ARPC4: variants seen among roughly 807,000 people sequenced by gnomAD.
The protein encoded by ARPC4 is actin-related protein 2/3 complex subunit 4.
In ARPC4, 3 loss-of-function variants were observed where a neutral mutation model predicts 22.8. The observed-to-expected ratio is 0.13, with a 90% CI of 0.06 to 0.34. The LOEUF (loss-of-function observed/expected upper bound fraction) is 0.34, where lower values mean the gene tolerates loss of function less well. ARPC4 is among the 10% of genes least tolerant of loss of function. The pLI, the probability that ARPC4 is intolerant of heterozygous loss-of-function variation, is 1.00. For missense variants in ARPC4, 98 were observed against 211.0 expected, an observed-to-expected ratio of 0.46 and a Z score of 3.32; for synonymous variants, 80 against 72.5, an observed-to-expected ratio of 1.10 and a Z score of -0.52.
rs75120628 is a variant in ARPC4, at chr3:9,805,108, G to C, written c.501+1095G>C. On this transcript the variant is annotated intron_variant, in intron 5 of 5. Coordinates refer to ENST00000397261, the MANE Select transcript of ARPC4 (RefSeq NM_005718.5). ...AATTTTATGGCCAGGATATTAGGAGGCCTCTAGATTGAACTGGAAGGGGAA... is the reference window on the plus strand; with the variant it reads ...AATTTTATGGCCAGGATATTAGGAGCCCTCTAGATTGAACTGGAAGGGGAA... 9.1e-4 allele frequency among the ~76,000 whole-genome samples: 138 copies of C among 152,284 alleles called. 1 individual carries two copies. The East Asian group carries it at 0.014, about 16-fold the overall frequency.
chr3:9,792,666 C>G (rs2078768064), upstream of ARPC4: 1 of 1,230,818 alleles, frequency 8.1e-7, no homozygotes, highest in Non-Finnish European at 1.0e-6. Flanking sequence ...GCCGAGATCT[C>G]CGCGCTGCAG....
At chr3:9,797,211 G>A (rs150597823) in intron 1 of ARPC4, among the ~76,000 whole-genome samples, 116 of 152,260 alleles carry the variant, frequency 7.6e-4, no homozygotes, top group African/African-American at 2.6e-3. Context: ...ATAGATTGAC[G>A]ACAATCATGC....
chr3:9,792,549 G>C, upstream of ARPC4: 1 of 1,227,526 alleles, frequency 8.1e-7, no homozygotes. Context: ...GTTTGCCGGG[G>C]GTGGGAAGAA....
intron 4 of ARPC4, 99 bp from the exon 5 acceptor site, chr3:9,803,744 G>T: frequency 1.6e-6 from 2 of 1,273,606 alleles, no homozygotes; most frequent in Admixed American, 1.8e-5. Context: ...CCAGTGGGAA[G>T]CATGTGGATG....
chr3:9,794,674 C>T (rs1001193476), intron 1 of ARPC4, among the ~76,000 whole-genome samples: 2 of 151,736 alleles, frequency 1.3e-5, no homozygotes, highest in African/African-American at 4.9e-5. Flanking sequence ...TAGCAAGATC[C>T]CGTGTCTTAA....
chr3:9,806,533 TTTTTA>T lies in ARPC4; in HGVS notation c.*319_*323del. The T allele has an allele frequency of 2.3e-6, 1 of 441,364 alleles. No homozygotes were observed. The highest frequency in any genetic ancestry group is 4.1e-6 in the Non-Finnish European group (1 of 244,854). 27.3% of individuals were successfully genotyped at this position (441,364 alleles called of 1,614,324 possible). On this transcript the variant is annotated 3_prime_UTR_variant, in exon 6 of 6. Coordinates refer to ENST00000397261, the MANE Select transcript of ARPC4 (RefSeq NM_005718.5). ...CTTTTTGTCTTTTTTTTTTTTTTTT[TTTTTA>T]AACCTCCACCTCCAGTGGCTGTGAC... is the stretch of plus-strand genomic sequence containing the variant.
At chr3:9,801,839 C>G in intron 4 of ARPC4, 83 bp downstream of exon 4, 1 of 1,376,082 alleles carries the variant, frequency 7.3e-7, no homozygotes, top group Non-Finnish European at 9.9e-7. Flanking sequence ...ACCAGCTACT[C>G]CAGCTGTTTG....
chr3:9,792,772 C>T, upstream of ARPC4: 14 of 1,249,322 alleles, frequency 1.1e-5, no homozygotes, highest in Non-Finnish European at 1.3e-5. Flanking sequence ...TCCGCTTCGG[C>T]TTGTCCTAAT....
chr3:9,793,006 G>C (rs528613047), upstream of ARPC4: 944 of 1,521,762 alleles, frequency 6.2e-4, no homozygotes, highest in Non-Finnish European at 8.0e-4. Context: ...TCGGAGCATA[G>C]ATGGTACCGT....
At chr3:9,795,120 C>G (rs2078854509) in intron 1 of ARPC4, among the ~76,000 whole-genome samples, 1 of 152,090 alleles carries the variant, frequency 6.6e-6, no homozygotes, top group African/African-American at 2.4e-5. Context: ...ATTCTACTGC[C>G]TCAGCCTCTC....
chr3:9,799,718 C>T (rs2078969429), intron 2 of ARPC4, among the ~76,000 whole-genome samples: 1 of 152,228 alleles, frequency 6.6e-6, no homozygotes, highest in African/African-American at 2.4e-5. Flanking sequence ...GCTGGGATTA[C>T]AGGCATGAGC....
chr3:9,793,046 G>T (rs888866517), upstream of ARPC4: 14 of 1,543,342 alleles, frequency 9.1e-6, no homozygotes, highest in African/African-American at 1.9e-4. Flanking sequence ...CCGTAGCTGC[G>T]CTTCTCGCGA....
At chr3:9,803,389 C>T (rs1575334260) in intron 4 of ARPC4, 1 of 394,904 alleles carries the variant, frequency 2.5e-6, no homozygotes, top group Non-Finnish European at 5.0e-6. Flanking sequence ...ATTTTCTCTC[C>T]TGGTCCTAGA....
At chr3:9,801,932 A>G (rs111467477) in intron 4 of ARPC4, among the ~76,000 whole-genome samples, 176 bp downstream of exon 4, 1 of 152,008 alleles carries the variant, frequency 6.6e-6, no homozygotes, top group Non-Finnish European at 1.5e-5. Context: ...AGTTGGGTCT[A>G]CCTCAGCCAT....
intron 5 of ARPC4, among the ~76,000 whole-genome samples, chr3:9,804,870 G>A (rs564498218): frequency 7.2e-5 from 11 of 152,320 alleles, no homozygotes; most frequent in East Asian, 5.8e-4. Context: ...CAGCTCACTC[G>A]GCTATGGAGG....
At position 9,806,487 on chromosome 3, in the gene ARPC4, G is replaced by T; in HGVS notation, c.*272G>T. Reference sequence around the variant, plus strand: ...TTTAACGTCTTGAAACTTAAACTCTGTGCTTGTAGGATACTGTAACCTTTT... The same window carrying T: ...TTTAACGTCTTGAAACTTAAACTCTTTGCTTGTAGGATACTGTAACCTTTT... On this transcript the variant is annotated 3_prime_UTR_variant, in exon 6 of 6. Coordinates refer to ENST00000397261, the MANE Select transcript of ARPC4 (RefSeq NM_005718.5). 5.8e-6 allele frequency: 3 copies of T among 521,064 alleles called. No individual in the cohort carries two copies. The highest frequency in any genetic ancestry group is 6.9e-6 in the Non-Finnish European group (2 of 291,898). 32.3% of individuals were successfully genotyped at this position (521,064 alleles called of 1,614,324 possible). A position where few individuals can be genotyped will look rare whatever the true frequency, so the allele number is the denominator to read the frequency against.
intron 1 of ARPC4, among the ~76,000 whole-genome samples, 169 bp from the exon 2 acceptor site, chr3:9,797,490 T>A (rs1575324280): frequency 6.6e-6 from 1 of 152,164 alleles, no homozygotes; most frequent in Non-Finnish European, 1.5e-5. Flanking sequence ...AAACTACCAC[T>A]CTACACCTTG....
At chr3:9,804,564 T>C (rs1653906051) in intron 5 of ARPC4, among the ~76,000 whole-genome samples, 1 of 152,232 alleles carries the variant, frequency 6.6e-6, no homozygotes, top group Non-Finnish European at 1.5e-5. Context: ...GGTAGAATTG[T>C]TTACATTGAT....
chr3:9,806,315 G>A lies in ARPC4; in HGVS notation c.*100G>A. ...CCGAGCAGCGCGGCGGCGGCAGGGAGTTGGGTTGGGGTGGGCATTTGATGC... is the reference window on the plus strand; with the variant it reads ...CCGAGCAGCGCGGCGGCGGCAGGGAATTGGGTTGGGGTGGGCATTTGATGC... On this transcript the variant is annotated 3_prime_UTR_variant, in exon 6 of 6. Coordinates refer to ENST00000397261, the MANE Select transcript of ARPC4 (RefSeq NM_005718.5). 7.0e-7 allele frequency: 1 copy of A among 1,424,136 alleles called. No individual in the cohort carries two copies. The highest frequency in any genetic ancestry group is 9.9e-7 in the Non-Finnish European group (1 of 1,007,146). 88.2% of individuals were successfully genotyped at this position (1,424,136 alleles called of 1,614,324 possible). A position where few individuals can be genotyped will look rare whatever the true frequency, so the allele number is the denominator to read the frequency against.
Sources: allele counts gnomAD v4.1 joint callset (sites outside exome capture counted in the v4.1 genomes callset), GRCh38; gene constraint gnomAD v4.1.1; transcripts MANE v1.5; gene names NCBI Gene and HGNC (gene_info 2026-07-23, HGNC 2026-07-21).